Variants in VTI1A observed in about 807,000 individuals in gnomAD.
VTI1A encodes vesicle transport through interaction with t-SNAREs 1A.
VTI1A carries 22 observed loss-of-function variants against 34.9 expected under a neutral mutation model. That is an observed-to-expected ratio of 0.63 (90% CI 0.45 to 0.90). The LOEUF (loss-of-function observed/expected upper bound fraction) is 0.90, where lower values mean the gene tolerates loss of function less well. Ranked by LOEUF, VTI1A falls within the 40% of genes least tolerant of loss-of-function variation. The probability of loss-of-function intolerance (pLI) is 0.00; values close to 1 mark genes in which losing one functional copy is unlikely to be tolerated. For synonymous variants in VTI1A, 87 were observed against 97.3 expected, an observed-to-expected ratio of 0.89 and a Z score of 0.62; for missense variants, 268 against 275.6, an observed-to-expected ratio of 0.97 and a Z score of 0.20.
rs749894736 is a variant in VTI1A, at chr10:112,460,507, A to G, written c.95-17A>G. On this transcript the variant is annotated splice_polypyrimidine_tract_variant and intron_variant, in intron 1 of 7. Transcript: ENST00000393077. ...TTTGTATCTTTAGCAATTTCTTGGT[A>G]TTATTGTTTGTTTCAGATGAAAAGA... The G allele has an allele frequency of 1.4e-5, 23 of 1,589,312 alleles. No individual in the cohort carries two copies. The highest frequency in any genetic ancestry group is 5.6e-5 in the Admixed American group (3 of 53,434).
chr10:112,719,640 A>G (rs1487619861), intron 7 of VTI1A, among the ~76,000 whole-genome samples: 1 of 151,674 alleles, frequency 6.6e-6, no homozygotes, highest in Non-Finnish European at 1.5e-5. Context: ...TCCGCGTCCC[A>G]GGTTCAAGCG....
At chr10:112,693,587 A>G (rs1222468989) in intron 7 of VTI1A, among the ~76,000 whole-genome samples, 1 of 152,224 alleles carries the variant, frequency 6.6e-6, no homozygotes, top group Non-Finnish European at 1.5e-5. Context: ...AAAATAGCTT[A>G]TCTGACACAA....
chr10:112,813,939 T>C (rs1208695462), intron 7 of VTI1A, among the ~76,000 whole-genome samples: 1 of 152,152 alleles, frequency 6.6e-6, no homozygotes, highest in Admixed American at 6.5e-5. Flanking sequence ...TTTTGTTACC[T>C]GTCAGGAGGA....
At chr10:112,661,260 G>A (rs568040153) in intron 5 of VTI1A, among the ~76,000 whole-genome samples, 3 of 152,298 alleles carry the variant, frequency 2.0e-5, no homozygotes, top group Admixed American at 1.3e-4. Flanking sequence ...TGAGATTATA[G>A]GCACATACCA....
chr10:112,839,004 G>A, the VTI1A span, among the ~76,000 whole-genome samples: 1 of 152,200 alleles, frequency 6.6e-6, no homozygotes, highest in African/African-American at 2.4e-5. Flanking sequence ...GAGGGCTGCT[G>A]GCTGGGTCAC....
intron 7 of VTI1A, among the ~76,000 whole-genome samples, chr10:112,764,293 A>C (rs1271910814): frequency 6.6e-6 from 1 of 152,184 alleles, no homozygotes; most frequent in Non-Finnish European, 1.5e-5. Flanking sequence ...CGGTCATTGC[A>C]GCCAGTTGCA....
chr10:112,740,160 T>A (rs1312567881), intron 7 of VTI1A, among the ~76,000 whole-genome samples: 1 of 152,200 alleles, frequency 6.6e-6, no homozygotes, highest in African/African-American at 2.4e-5. Flanking sequence ...CTTGTAGACT[T>A]GATCTGTGTT....
At chr10:112,698,159 A>T (rs1339078827) in intron 7 of VTI1A, among the ~76,000 whole-genome samples, 1 of 152,194 alleles carries the variant, frequency 6.6e-6, no homozygotes, top group African/African-American at 2.4e-5. Flanking sequence ...GAACTCTAGG[A>T]ATCCCTGTTC....
intron 5 of VTI1A, among the ~76,000 whole-genome samples, chr10:112,562,243 A>C (rs1428668933): frequency 6.6e-6 from 1 of 152,182 alleles, no homozygotes; most frequent in Non-Finnish European, 1.5e-5. Flanking sequence ...ATGATGTTTT[A>C]TTATTTAGAA....
At chr10:112,693,153 C>T (rs1848663026) in intron 7 of VTI1A, among the ~76,000 whole-genome samples, 1 of 152,176 alleles carries the variant, frequency 6.6e-6, no homozygotes, top group Non-Finnish European at 1.5e-5. Flanking sequence ...ATTTTTCTAC[C>T]TCTTAAAACT....
At chr10:112,533,568 T>G (rs1850518811) in intron 4 of VTI1A, 2 of 1,011,488 alleles carry the variant, frequency 2.0e-6, no homozygotes, top group South Asian at 4.7e-5. Context: ...CTTCCTAGCT[T>G]CTTTTTTTTT....
chr10:112,675,586 G>A (rs573282396), intron 7 of VTI1A, among the ~76,000 whole-genome samples: 57 of 152,336 alleles, frequency 3.7e-4, no homozygotes, highest in African/African-American at 1.3e-3. Context: ...GCTAAGCATA[G>A]ACTGTGTGGC....
At chr10:112,730,811 CA>C (rs963882305) in intron 7 of VTI1A, among the ~76,000 whole-genome samples, 2 of 151,998 alleles carry the variant, frequency 1.3e-5, no homozygotes, top group Non-Finnish European at 2.9e-5. Context: ...TTTGGAAAAA[CA>C]AACTGAAATC....
At position 112,815,411 on chromosome 10, in the gene VTI1A, A is replaced by G. The variant is rs1853489613; in HGVS notation, c.*28A>G. The G allele has an allele frequency of 7.6e-6, 12 of 1,573,666 alleles. No individual in the cohort carries two copies. Among genetic ancestry groups the G allele is most frequent in the Non-Finnish European group, 9.6e-6 (11 of 1,143,208 alleles). Reference sequence around the variant, plus strand: ...TATCTGCTCTCCCTTGATAAACAGCAACAACAGCTTGTTCTGAGTAATTAA... The same window carrying G: ...TATCTGCTCTCCCTTGATAAACAGCGACAACAGCTTGTTCTGAGTAATTAA... On this transcript the variant is annotated 3_prime_UTR_variant, in exon 8 of 8. Transcript: ENST00000393077.
chr10:112,522,506 A>G (rs955121459), intron 3 of VTI1A, among the ~76,000 whole-genome samples: 5 of 152,110 alleles, frequency 3.3e-5, no homozygotes, highest in Admixed American at 2.6e-4. Flanking sequence ...CTGATTAGTA[A>G]TTAAAGTGCT....
intron 7 of VTI1A, among the ~76,000 whole-genome samples, chr10:112,745,200 A>G (rs1232615716): frequency 6.6e-6 from 1 of 150,832 alleles, no homozygotes; most frequent in African/African-American, 2.4e-5. Flanking sequence ...AAGAGGGTTA[A>G]CTTCTTCCTC....
chr10:112,626,787 C>T (rs892189470), intron 5 of VTI1A, among the ~76,000 whole-genome samples: 17 of 152,244 alleles, frequency 1.1e-4, no homozygotes, highest in African/African-American at 4.1e-4. Flanking sequence ...CTGCATTTGC[C>T]ATCTTCCAGT....
chr10:112,645,942 G>GTT (rs71035394), intron 5 of VTI1A, among the ~76,000 whole-genome samples: 65,811 of 137,038 alleles, frequency 0.48, 16,958 homozygotes, highest in Non-Finnish European at 0.58. Context: ...AATATACTGT[G>GTT]TTTTTTTTTT....
At chr10:112,800,329 A>G (rs953932578) in intron 7 of VTI1A, among the ~76,000 whole-genome samples, 9 of 152,230 alleles carry the variant, frequency 5.9e-5, no homozygotes, top group African/African-American at 2.2e-4. Context: ...GACCAAGGCC[A>G]GATGTGCCCT....
Sources: allele counts gnomAD v4.1 joint callset (sites outside exome capture counted in the v4.1 genomes callset), GRCh38; gene constraint gnomAD v4.1.1; transcripts MANE v1.5; gene names NCBI Gene and HGNC (gene_info 2026-07-23, HGNC 2026-07-21).